PCBD2: variants seen among roughly 807,000 people sequenced by gnomAD.
The protein encoded by PCBD2 is pterin-4-alpha-carbinolamine dehydratase 2.
A neutral mutation model predicts 16.4 loss-of-function variants in PCBD2; 12 were observed. That is an observed-to-expected ratio of 0.73 (90% CI 0.47 to 1.19). The LOEUF (loss-of-function observed/expected upper bound fraction) is 1.19, where lower values mean the gene tolerates loss of function less well. PCBD2 is among the 50% of genes most tolerant of loss of function. The probability of loss-of-function intolerance (pLI) is 0.00; values close to 1 mark genes in which losing one functional copy is unlikely to be tolerated. For synonymous variants in PCBD2, 58 were observed against 61.8 expected, an observed-to-expected ratio of 0.94 and a Z score of 0.29; for missense variants, 138 against 156.8, an observed-to-expected ratio of 0.88 and a Z score of 0.64.
chr5:134,924,158 A>T, intron 2 of PCBD2: 2 of 397,538 alleles, frequency 5.0e-6, no homozygotes, highest in Non-Finnish European at 8.9e-6. Flanking sequence ...GTGTGGGTTT[A>T]GTAATGGGGT....
chr5:134,935,644 A>G (rs1751150912), intron 2 of PCBD2, among the ~76,000 whole-genome samples: 1 of 152,224 alleles, frequency 6.6e-6, no homozygotes, highest in African/African-American at 2.4e-5. Flanking sequence ...ATTTCTTTGT[A>G]TTTGTAAAAT....
intron 2 of PCBD2, among the ~76,000 whole-genome samples, chr5:134,921,309 CT>C (rs1222216613): frequency 6.6e-6 from 1 of 152,124 alleles, no homozygotes; most frequent in Non-Finnish European, 1.5e-5. Context: ...TAGTCAGGTA[CT>C]AGAATGTGAA....
At chr5:134,917,266 C>T (rs1392857728) in intron 2 of PCBD2, among the ~76,000 whole-genome samples, 1 of 152,234 alleles carries the variant, frequency 6.6e-6, no homozygotes, top group Admixed American at 6.5e-5. Context: ...GTGGAGCCCT[C>T]CAGGGCAGGA....
chr5:134,934,337 T>A (rs1324771863), intron 2 of PCBD2, among the ~76,000 whole-genome samples: 1 of 152,140 alleles, frequency 6.6e-6, no homozygotes, highest in Non-Finnish European at 1.5e-5. Context: ...CCAAAGAACT[T>A]TTACAACACA....
In PCBD2 at chr5:134,949,187, G is replaced by A. The variant is rs144990551; in HGVS notation, c.217-9853G>A. On this transcript the variant is annotated intron_variant, in intron 2 of 3. Transcript: ENST00000254908. ...TGCTCGCTGACAGATTGCCAGTTCC[G>A]CAAGGAAATCTTCCCGTGCCGACAC... is the stretch of plus-strand genomic sequence containing the variant. Among the ~76,000 whole-genome samples the A allele has an allele frequency of 5.8e-3, 888 of 152,148 alleles. 8 individuals are homozygous for A. Among genetic ancestry groups the A allele is most frequent in the African/African-American group, 0.02 (849 of 41,492 alleles).
intron 2 of PCBD2, among the ~76,000 whole-genome samples, chr5:134,920,948 T>C (rs1304166446): frequency 6.6e-6 from 1 of 152,218 alleles, no homozygotes; most frequent in East Asian, 1.9e-4. Context: ...ATACAGGCGT[T>C]GAGCCCAGCT....
chr5:134,935,076 C>G (rs115856773), intron 2 of PCBD2, among the ~76,000 whole-genome samples: 1 of 152,178 alleles, frequency 6.6e-6, no homozygotes, highest in South Asian at 2.1e-4. Flanking sequence ...ACATTAAGAT[C>G]GGAAACCAAC....
chr5:134,926,175 G>A (rs894088723), intron 2 of PCBD2: 16 of 317,528 alleles, frequency 5.0e-5, no homozygotes, highest in African/African-American at 2.8e-4. Flanking sequence ...ATCACGTAAC[G>A]AACAGTGCTA....
At position 134,929,833 on chromosome 5, in the gene PCBD2, A is replaced by G. The variant is rs534686334; in HGVS notation, c.216+19367A>G. On this transcript the variant is annotated intron_variant, in intron 2 of 3. Transcript: ENST00000254908. ...CAGCCTCCCAAGTAGCTTGGACTAC[A>G]GGCACATGCCACCATGCCTGGCTAA... 2.0e-5 allele frequency among the ~76,000 whole-genome samples: 3 copies of G among 152,294 alleles called. No individual in the cohort carries two copies. The South Asian group carries it at 6.2e-4, about 32-fold the overall frequency.
At chr5:134,923,557 A>C (rs1750934325) in intron 2 of PCBD2, 1 of 319,658 alleles carries the variant, frequency 3.1e-6, no homozygotes, top group Non-Finnish European at 5.7e-6. Context: ...TAGCCTCCTC[A>C]GATTCATTGG....
At chr5:134,943,449 G>T (rs1046018633) in intron 2 of PCBD2, among the ~76,000 whole-genome samples, 1 of 152,200 alleles carries the variant, frequency 6.6e-6, no homozygotes, top group Non-Finnish European at 1.5e-5. Context: ...CACTCAGAAT[G>T]CCACCAGTAT....
chr5:134,952,523 T>G (rs1429342039), intron 2 of PCBD2, among the ~76,000 whole-genome samples: 2 of 152,228 alleles, frequency 1.3e-5, no homozygotes, highest in Non-Finnish European at 2.9e-5. Flanking sequence ...TTAGGCTAAG[T>G]GCAGTGGCGC....
At chr5:134,926,604 C>T (rs921550735) in intron 2 of PCBD2, 21 of 395,420 alleles carry the variant, frequency 5.3e-5, no homozygotes, top group African/African-American at 1.9e-4. Context: ...AATAAGGGGT[C>T]GTGAGCCTCT....
At chr5:134,958,059 G>C (rs939809041) in intron 2 of PCBD2, among the ~76,000 whole-genome samples, 3 of 152,128 alleles carry the variant, frequency 2.0e-5, no homozygotes, top group African/African-American at 4.8e-5. Context: ...TTCTGGATAG[G>C]GGTAATGAAG....
intron 2 of PCBD2, among the ~76,000 whole-genome samples, chr5:134,948,052 C>T (rs1040291488): frequency 6.6e-6 from 1 of 151,880 alleles, no homozygotes; most frequent in Non-Finnish European, 1.5e-5. Context: ...ATTTTGACAC[C>T]AGGGAACTCT....
chr5:134,908,014 G>A (rs1472530000), intron 1 of PCBD2, among the ~76,000 whole-genome samples: 1 of 150,812 alleles, frequency 6.6e-6, no homozygotes, highest in African/African-American at 2.4e-5. Context: ...CAGTCATCTG[G>A]TCTCAAGTGA....
intron 3 of PCBD2, among the ~76,000 whole-genome samples, chr5:134,959,979 C>G (rs1751457427): frequency 6.6e-6 from 1 of 150,410 alleles, no homozygotes. Flanking sequence ...CAGCCTCCAC[C>G]TCCCGGGTTC....
At chr5:134,925,199 C>T (rs1393856721) in intron 2 of PCBD2, 12 of 398,228 alleles carry the variant, frequency 3.0e-5, no homozygotes, top group East Asian at 1.4e-4. Context: ...GTGCTATAGG[C>T]GCTTGTCAGG....
intron 2 of PCBD2, among the ~76,000 whole-genome samples, chr5:134,942,130 CAAA>C (rs397882223): frequency 3.6e-5 from 3 of 82,278 alleles, no homozygotes; most frequent in Admixed American, 1.5e-4. Flanking sequence ...GGCTCTGTCT[CAAA>C]AAAAAAAAAA....
Sources: gnomAD v4.1 joint callset for allele counts (sites outside exome capture counted in the v4.1 genomes callset) on GRCh38, gnomAD v4.1.1 for gene constraint, MANE v1.5 for transcripts, NCBI Gene and HGNC (gene_info 2026-07-23, HGNC 2026-07-21) for gene names.